Variants in CHRNG observed in about 807,000 individuals in gnomAD.
The protein encoded by CHRNG is cholinergic receptor nicotinic gamma subunit.
Under a neutral mutation model 65.2 loss-of-function variants are expected in CHRNG, and 72 were observed. The ratio of observed to expected loss-of-function variants is 1.10; its 90% CI spans 0.91 to 1.34. CHRNG has a LOEUF of 1.34. Among genes scored for constraint, CHRNG ranks in the 40% most tolerant of loss-of-function variants. The probability of loss-of-function intolerance (pLI) is 0.00; values close to 1 mark genes in which losing one functional copy is unlikely to be tolerated. For missense variants in CHRNG, 637 were observed against 680.1 expected, an observed-to-expected ratio of 0.94 and a Z score of 0.70; for synonymous variants, 284 against 290.2, an observed-to-expected ratio of 0.98 and a Z score of 0.22.
In CHRNG at chr2:232,543,643, C is replaced by G. The variant is rs769092268; in HGVS notation, c.979C>G (p.Leu327Val). 6.2e-7 allele frequency: 1 copy of G among 1,613,976 alleles called. No individual in the cohort carries two copies. The highest frequency in any genetic ancestry group is 1.1e-5 in the South Asian group (1 of 91,078). Reference sequence around the variant, plus strand: ...CATTGTCGTGAATGCTGTGGTTGTGCTCAATGTCTCCTTGCGGTCTCCACA... The same window carrying G: ...CATTGTCGTGAATGCTGTGGTTGTGGTCAATGTCTCCTTGCGGTCTCCACA... ...ILIVVNAVVV[L>V]NVSLRSPHTH... The change falls in exon 9 of 12, where the codon CTC (leucine) becomes GTC (valine). Residue 327 changes from leucine (L) to valine (V), a missense_variant. Leu to Val is a conservative substitution (Grantham distance 32). Transcript: ENST00000651502.
In CHRNG at chr2:232,543,284, A is replaced by T; in HGVS notation, c.815A>T (p.Gln272Leu). Reference sequence around the variant, plus strand: ...TCTCGGTCATGGATAGCTGGGGGCCAGAAGTGTACCGTCGCCATCAACGTG... The same window carrying T: ...TCTCGGTCATGGATAGCTGGGGGCCTGAAGTGTACCGTCGCCATCAACGTG... The part of the protein sequence containing the change: ...IHFLPAKAGG[Q>L]KCTVAINVLL... The change falls in exon 8 of 12, where the codon CAG becomes CTG. Residue 272 changes from glutamine to leucine, a missense_variant. Physicochemically the swap from Gln to Leu is moderately radical, Grantham distance 113 (BLOSUM62 -2). Transcript: ENST00000651502. The T allele has an allele frequency of 6.2e-7, 1 of 1,613,928 alleles. No homozygotes were observed. The highest frequency in any genetic ancestry group is 8.5e-7 in the Non-Finnish European group (1 of 1,179,832).
chr2:232,544,233 A>C, intron 9 of CHRNG, 134 bp from the exon 10 acceptor site: 1 of 769,656 alleles, frequency 1.3e-6, no homozygotes, highest in Non-Finnish European at 2.3e-6. Context: ...CAGTATAGAA[A>C]GCTTTACCAA....
chr2:232,541,311 T>C lies in CHRNG; in HGVS notation c.351-63T>C. 3.2e-6 allele frequency: 5 copies of C among 1,586,572 alleles called. No individual in the cohort carries two copies. The highest frequency in any genetic ancestry group is 1.1e-5 in the South Asian group (1 of 90,402). On this transcript the variant is annotated intron_variant, in intron 4 of 11. Transcript: ENST00000651502. The surrounding 1 kb of genome is among the most constrained non-coding windows in gnomAD (Gnocchi z 4.0). ...TCCACATGGGGCACAGGGGCTGGTC[T>C]GGGGCTGGGGTGTCGGGGGCTGAGC...
In CHRNG at chr2:232,541,390, G is replaced by C. The variant is rs199937736; in HGVS notation, c.367G>C (p.Glu123Gln). ...TGCATACAGCGTGGACGGTGTCTTC[G>C]AGGTGGCCCTCTACTGCAATGTGCT... ...VLENNVDGVFEVALYCNVLVS... is the reference protein window; with the variant it reads ...VLENNVDGVFQVALYCNVLVS... Residue 123 changes from glutamate to glutamine, a missense_variant, in exon 5 of 12, where the codon GAG becomes CAG. Transcript: ENST00000651502. The surrounding 1 kb of genome is among the most constrained non-coding windows in gnomAD (Gnocchi z 4.0). The C allele has an allele frequency of 3.7e-6, 6 of 1,613,960 alleles. No homozygotes were observed. Among genetic ancestry groups the C allele is most frequent in the Admixed American group, 1.7e-5 (1 of 59,996 alleles).
At position 232,546,499 on chromosome 2, in the gene CHRNG, C is replaced by T. The variant is rs1692137981; in HGVS notation, c.*783C>T. The T allele has an allele frequency of 6.6e-6, 1 of 152,334 alleles. No individual in the cohort carries two copies. Among genetic ancestry groups the T allele is most frequent in the African/African-American group, 2.4e-5 (1 of 41,316 alleles). The allele number at this position is 152,334 out of a possible 1,614,324, so 9.4% of individuals were successfully genotyped here. A position where few individuals can be genotyped will look rare whatever the true frequency, so the allele number is the denominator to read the frequency against. On this transcript the variant is annotated 3_prime_UTR_variant, in exon 12 of 12. Coordinates refer to ENST00000651502, the MANE Select transcript of CHRNG (RefSeq NM_005199.5). ...AGTAGCTGGCACCACAGGCATGCAC[C>T]ACTACACCCAGCTACTTTTAAATTT...
rs1692000981 is a variant in CHRNG at position 232,540,844 on chromosome 2, A to G, written c.350+133A>G. On this transcript the variant is annotated intron_variant, in intron 4 of 11. Coordinates refer to ENST00000651502, the MANE Select transcript of CHRNG (RefSeq NM_005199.5). This position sits in a 1 kb window ranked among gnomAD's most constrained non-coding sequence, Gnocchi z 4.2. ...CGGGCACCTGTGGGGCTAGGGAAGAACTGGATGGAGCAGGTGCCGAGGGCA... is the reference window on the plus strand; with the variant it reads ...CGGGCACCTGTGGGGCTAGGGAAGAGCTGGATGGAGCAGGTGCCGAGGGCA... 1 of 836,944 alleles carries G rather than the reference A, an allele frequency of 1.2e-6. No individual in the cohort carries two copies. The highest frequency in any genetic ancestry group is 2.7e-5 in the East Asian group (1 of 37,290). The allele number at this position is 836,944 out of a possible 1,614,324, so 51.8% of individuals were successfully genotyped here. A position where few individuals can be genotyped will look rare whatever the true frequency, so the allele number is the denominator to read the frequency against.
In CHRNG at chr2:232,540,119, C is replaced by A. The variant is rs776814462; in HGVS notation, c.183C>A (p.Asn61Lys). 3.3e-5 allele frequency: 54 copies of A among 1,614,062 alleles called. 1 individual carries two copies. In the Admixed American group the frequency reaches 7.2e-4, roughly 21 times the overall value. Residue 61 changes from asparagine (N) to lysine (K), a missense_variant, in exon 2 of 12, where the codon AAC becomes AAA. Physicochemically the swap from Asn to Lys is moderately conservative, Grantham distance 94. Coordinates refer to ENST00000651502, the MANE Select transcript of CHRNG (RefSeq NM_005199.5). The surrounding 1 kb of genome is among the most constrained non-coding windows in gnomAD (Gnocchi z 4.2). ...TCAGCCTGAAGCTAACCCTCACCAA[C>A]CTCATCTCCCTGGTAAGCCGCAGGA... Reference protein sequence around the residue: ...VNVSLKLTLTNLISLNEREEA... With the variant: ...VNVSLKLTLTKLISLNEREEA...
At position 232,546,698 on chromosome 2, in the gene CHRNG, T is replaced by C. The variant is rs1476540527; in HGVS notation, c.*982T>C. 2.0e-5 allele frequency among the ~76,000 whole-genome samples: 3 copies of C among 152,102 alleles called. No homozygotes were observed. Among genetic ancestry groups the C allele is most frequent in the Non-Finnish European group, 4.4e-5 (3 of 68,014 alleles). ...TAAGCAAGAGTCATTATTCCCCATG[T>C]TATATAGGCAAATTGAGCCTAGAGT... On this transcript the variant is annotated 3_prime_UTR_variant, in exon 12 of 12. Coordinates refer to ENST00000651502, the MANE Select transcript of CHRNG (RefSeq NM_005199.5).
At position 232,544,422 on chromosome 2, in the gene CHRNG, C is replaced by A; in HGVS notation, c.1091C>A (p.Pro364Gln). Reference sequence around the variant, plus strand: ...AGGATGCACGTTCGCCCGCTGGCCCCGGCAGCTGTGCAGGACACCCAGTCC... The same window carrying A: ...AGGATGCACGTTCGCCCGCTGGCCCAGGCAGCTGTGCAGGACACCCAGTCC... ...LLRMHVRPLAPAAVQDTQSRL... is the reference protein window; with the variant it reads ...LLRMHVRPLAQAAVQDTQSRL... Residue 364 changes from proline (P) to glutamine (Q), a missense_variant, in exon 10 of 12, where the codon CCG (proline) becomes CAG (glutamine). Coordinates refer to ENST00000651502, the MANE Select transcript of CHRNG (RefSeq NM_005199.5). 3 of 1,613,612 alleles carry A rather than the reference C, an allele frequency of 1.9e-6. No homozygotes were observed. Among genetic ancestry groups the A allele is most frequent in the Non-Finnish European group, 1.7e-6 (2 of 1,180,006 alleles).
In CHRNG at chr2:232,540,863, G is replaced by C. The variant is rs560260408; in HGVS notation, c.350+152G>C. 4.0e-6 allele frequency: 3 copies of C among 745,254 alleles called. No individual in the cohort carries two copies. The highest frequency in any genetic ancestry group is 1.7e-5 in the African/African-American group (1 of 58,048). 46.2% of individuals were successfully genotyped at this position (745,254 alleles called of 1,614,324 possible). On this transcript the variant is annotated intron_variant, in intron 4 of 11. Transcript: ENST00000651502. This position sits in a 1 kb window ranked among gnomAD's most constrained non-coding sequence, Gnocchi z 4.2. Reference sequence around the variant, plus strand: ...GGAAGAACTGGATGGAGCAGGTGCCGAGGGCAGGGCCCTGGGTATGCCCTC... The same window carrying C: ...GGAAGAACTGGATGGAGCAGGTGCCCAGGGCAGGGCCCTGGGTATGCCCTC...
At position 232,546,792 on chromosome 2, in the gene CHRNG, A is replaced by G. The variant is rs1219722006; in HGVS notation, c.*1076A>G. Among the ~76,000 whole-genome samples the G allele has an allele frequency of 1.3e-5, 2 of 152,288 alleles. No homozygotes were observed. The highest frequency in any genetic ancestry group is 2.1e-4 in the South Asian group (1 of 4,822). On this transcript the variant is annotated 3_prime_UTR_variant, in exon 12 of 12. Coordinates refer to ENST00000651502, the MANE Select transcript of CHRNG (RefSeq NM_005199.5). Reference sequence around the variant, plus strand: ...GTCCAGAATTCCTGACTCTGACCCAATCTGACACTCTAAGATTCTACGGCC... The same window carrying G: ...GTCCAGAATTCCTGACTCTGACCCAGTCTGACACTCTAAGATTCTACGGCC...
Position 232,544,558 on chromosome 2 carries a change from G to A in CHRNG, c.1227G>A (p.Val409=), listed in dbSNP as rs1692086043. ...AGCAGTGGCAGCGGCAAGGGCTGGTGGCGGCAGCGCTGGAGAAGCTAGGTG... is the reference window on the plus strand; with the variant it reads ...AGCAGTGGCAGCGGCAAGGGCTGGTAGCGGCAGCGCTGGAGAAGCTAGGTG... ...LFQQWQRQGL[V]AAALEKLEKG... The change falls in exon 10 of 12, where the codon GTG becomes GTA. Residue 409 remains valine (V), a synonymous_variant. Transcript: ENST00000651502. 2 of 1,613,452 alleles carry A rather than the reference G, an allele frequency of 1.2e-6. No individual in the cohort carries two copies. The highest frequency in any genetic ancestry group is 2.2e-5 in the East Asian group (1 of 44,872).
At position 232,540,210 on chromosome 2, in the gene CHRNG, C is replaced by T; in HGVS notation, c.195+79C>T. 2 of 1,612,320 alleles carry T rather than the reference C, an allele frequency of 1.2e-6. No homozygotes were observed. The highest frequency in any genetic ancestry group is 1.3e-5 in the African/African-American group (1 of 74,962). ...GGATAGCATGGGGTGGCTCCAGCCA[C>T]CAAGAGGTTGGAGGGCCCTAAATCG... is the stretch of plus-strand genomic sequence containing the variant. On this transcript the variant is annotated intron_variant, in intron 2 of 11. Transcript: ENST00000651502. The surrounding 1 kb of genome is among the most constrained non-coding windows in gnomAD (Gnocchi z 4.2).
intron 8 of CHRNG, 55 bp downstream of exon 8, chr2:232,543,444 T>C (rs962278208): frequency 1.4e-6 from 2 of 1,394,010 alleles, no homozygotes; most frequent in Non-Finnish European, 1.0e-6. Flanking sequence ...CTTGGGAGCA[T>C]GATGGCCTCC....
Position 232,541,756 on chromosome 2 carries a change from T to C in CHRNG, c.506+227T>C, listed in dbSNP as rs1397600805. ...TCACTCATCCTTTACTGCCTCAGTT[T>C]CCTCACCTGTGCTCCAAGGGGAGAC... On this transcript the variant is annotated intron_variant, in intron 5 of 11. Coordinates refer to ENST00000651502, the MANE Select transcript of CHRNG (RefSeq NM_005199.5). This position sits in a 1 kb window ranked among gnomAD's most constrained non-coding sequence, Gnocchi z 4.0. The C allele has an allele frequency of 6.7e-6, 4 of 600,574 alleles. No homozygotes were observed. Among genetic ancestry groups the C allele is most frequent in the Admixed American group, 5.8e-5 (2 of 34,628 alleles). 37.2% of individuals were successfully genotyped at this position (600,574 alleles called of 1,614,324 possible). A position where few individuals can be genotyped will look rare whatever the true frequency, so the allele number is the denominator to read the frequency against.
At position 232,542,975 on chromosome 2, in the gene CHRNG, T is replaced by G. The variant is rs1371383635; in HGVS notation, c.698T>G (p.Phe233Cys). ...GAAGCAGGCCACCAGAAGGTGGTGT[T>G]CTACCTGCTCATCCAGCGCAAGCCC... ...AQEAGHQKVV[F>C]YLLIQRKPLF... Residue 233 changes from phenylalanine (F) to cysteine (C), a missense_variant, in exon 7 of 12, where the codon TTC becomes TGC. Phe to Cys is a radical substitution (Grantham distance 205, BLOSUM62 -2). Transcript: ENST00000651502. 6.2e-7 allele frequency: 1 copy of G among 1,614,108 alleles called. No homozygotes were observed. Among genetic ancestry groups the G allele is most frequent in the Admixed American group, 1.7e-5 (1 of 60,034 alleles).
Position 232,540,022 on chromosome 2 carries a change from T to C in CHRNG, c.86T>C (p.Leu29Pro). The change falls in exon 2 of 12, where the codon CTG becomes CCG. Residue 29 changes from leucine (L) to proline (P), a missense_variant. Coordinates refer to ENST00000651502, the MANE Select transcript of CHRNG (RefSeq NM_005199.5). This position sits in a 1 kb window ranked among gnomAD's most constrained non-coding sequence, Gnocchi z 4.2. Reference protein sequence around the residue: ...GAQGRNQEERLLADLMQNYDP... With the variant: ...GAQGRNQEERPLADLMQNYDP... Reference sequence around the variant, plus strand: ...CAGGGCCGGAACCAGGAGGAGCGCCTGCTCGCAGACCTGATGCAAAACTAC... The same window carrying C: ...CAGGGCCGGAACCAGGAGGAGCGCCCGCTCGCAGACCTGATGCAAAACTAC... 1 of 1,614,184 alleles carries C rather than the reference T, an allele frequency of 6.2e-7. No individual in the cohort carries two copies. The highest frequency in any genetic ancestry group is 8.5e-7 in the Non-Finnish European group (1 of 1,180,024).
At position 232,547,452 on chromosome 2, in the gene CHRNG, AAAGTG is replaced by A. The variant is rs1692152803; in HGVS notation, c.*1739_*1743del. Among the ~76,000 whole-genome samples, 1 of 152,200 alleles carries A rather than the reference AAAGTG, an allele frequency of 6.6e-6. No homozygotes were observed. The highest frequency in any genetic ancestry group is 2.1e-4 in the South Asian group (1 of 4,822). ...AAAAAATTACAAAACTGAAAAAAGA[AAAGTG>A]AAAGTGCCACATAAAGGCCTGACGA... On this transcript the variant is annotated 3_prime_UTR_variant, in exon 12 of 12. Coordinates refer to ENST00000651502, the MANE Select transcript of CHRNG (RefSeq NM_005199.5).
rs766395277 is a variant in CHRNG at position 232,543,424 on chromosome 2, A to T, written c.920+35A>T. 3.4e-6 allele frequency: 5 copies of T among 1,484,186 alleles called. No homozygotes were observed. In the African/African-American group the frequency reaches 5.6e-5, roughly 17 times the overall value. 91.9% of individuals were successfully genotyped at this position (1,484,186 alleles called of 1,614,324 possible). On this transcript the variant is annotated intron_variant, in intron 8 of 11. Transcript: ENST00000651502. ...GTCTTCATGTCCACCCGCCTATGCC[A>T]CTCTCCCTTCTTGGGAGCATGATGG... is the stretch of plus-strand genomic sequence containing the variant.
Sources: allele counts gnomAD v4.1 joint callset (sites outside exome capture counted in the v4.1 genomes callset), GRCh38; gene constraint gnomAD v4.1.1; non-coding constraint Gnocchi (gnomAD v3.1); transcripts MANE v1.5; gene names NCBI Gene and HGNC (gene_info 2026-07-23, HGNC 2026-07-21).